RLBP1: variants seen among roughly 807,000 people sequenced by gnomAD.
RLBP1 encodes the protein retinaldehyde binding protein 1.
A neutral mutation model predicts 36.2 loss-of-function variants in RLBP1; 26 were observed. The observed-to-expected ratio is 0.72, with a 90% confidence interval of 0.53 to 1.00. RLBP1 has a LOEUF of 1.00. Ranked by LOEUF, RLBP1 falls within the 50% of genes least tolerant of loss-of-function variation. The pLI, the probability that RLBP1 is intolerant of heterozygous loss-of-function variation, is 0.00. For missense variants in RLBP1, 410 were observed against 402.4 expected (o/e 1.02, Z -0.16); for synonymous variants, 155 against 156.2 (o/e 0.99, Z 0.06).
At chr15:89,219,669 G>A (rs1375881463) in intron 2 of RLBP1, 68 bp downstream of exon 2, 3 of 153,734 alleles carry the variant, frequency 2.0e-5, no homozygotes, top group Non-Finnish European at 2.9e-5. Flanking sequence ...AGGAGGAAAC[G>A]GGAGGAGGAA....
Position 89,215,076 on chromosome 15 carries a change from TCTTGA to T in RLBP1, c.504_508del (p.Ser168ArgfsTer5), listed in dbSNP as rs1379405913. 1 of 1,614,216 alleles carries T rather than the reference TCTTGA, an allele frequency of 6.2e-7. No homozygotes were observed. ...CCCACTAACCTCATCAAAGGTGATT[TCTTGA>T]CTTTGCCAGTTCTCAATGTTGAAGA... On this transcript the variant is annotated frameshift_variant, in exon 6 of 9. Coordinates refer to ENST00000268125, the MANE Select transcript of RLBP1 (RefSeq NM_000326.5). LOFTEE classifies it high-confidence loss of function.
intron 2 of RLBP1, chr15:89,219,485 C>T (rs2051609610): frequency 5.4e-6 from 1 of 185,120 alleles, no homozygotes; most frequent in African/African-American, 2.3e-5. Flanking sequence ...AGAAACTTCG[C>T]AGCCTAGTGG....
In RLBP1 at chr15:89,211,195, C is replaced by A. The variant is rs910597150; in HGVS notation, c.685-386G>T. Among the ~76,000 whole-genome samples the A allele has an allele frequency of 5.3e-5, 8 of 152,158 alleles. No homozygotes were observed. Among genetic ancestry groups the A allele is most frequent in the African/African-American group, 1.9e-4 (8 of 41,424 alleles). Reference sequence around the variant, plus strand: ...AACAGTATTATCATCCCTCATTGTCCATCAGCCCCTCCCACAACCTCCACC... The same window carrying A: ...AACAGTATTATCATCCCTCATTGTCAATCAGCCCCTCCCACAACCTCCACC... On this transcript the variant is annotated intron_variant, in intron 7 of 8. Transcript: ENST00000268125. The surrounding 1 kb of genome is among the most constrained non-coding windows in gnomAD (Gnocchi z 5.8).
intron 5 of RLBP1, among the ~76,000 whole-genome samples, chr15:89,215,622 G>C (rs115821018): frequency 1.0e-3 from 158 of 152,284 alleles, no homozygotes; most frequent in African/African-American, 3.5e-3. Context: ...GAGTGGTGAG[G>C]TGTGCACAGG....
chr15:89,212,534 GAGATCACGCCACTGCTCTCC>G (rs2051546584), intron 6 of RLBP1, among the ~76,000 whole-genome samples: 1 of 147,742 alleles, frequency 6.8e-6, no homozygotes, highest in African/African-American at 2.5e-5. Context: ...GCAGTGAGCC[GAGATCACGCCACTGCTCTCC>G]AACCTAGGCG....
Position 89,211,762 on chromosome 15 carries a change from T to G in RLBP1, c.665A>C (p.Lys222Thr), listed in dbSNP as rs1424413976. ...AASLRTSDLRKMVDMLQDSFP... is the reference protein window; with the variant it reads ...AASLRTSDLRTMVDMLQDSFP... ...CCTCACCTGGAGCATGTCCACCATC[T>G]TCCTGAGATCTGAAGTCCGGAGACT... Residue 222 changes from lysine (K) to threonine (T), a missense_variant, in exon 7 of 9, where the codon AAG (lysine) becomes ACG (threonine). Lys to Thr is a moderately conservative substitution (Grantham distance 78). Coordinates refer to ENST00000268125, the MANE Select transcript of RLBP1 (RefSeq NM_000326.5). The surrounding 1 kb of genome is among the most constrained non-coding windows in gnomAD (Gnocchi z 5.8). 5 of 1,613,900 alleles carry G rather than the reference T, an allele frequency of 3.1e-6. No homozygotes were observed. The highest frequency in any genetic ancestry group is 1.7e-5 in the Admixed American group (1 of 60,010).
At position 89,217,120 on chromosome 15, in the gene RLBP1, C is replaced by G. The variant is rs762326108; in HGVS notation, c.346G>C (p.Gly116Arg). Residue 116 changes from glycine (G) to arginine (R), a missense_variant and splice_region_variant, in exon 5 of 9, where the codon GGC becomes CGC. Coordinates refer to ENST00000268125, the MANE Select transcript of RLBP1 (RefSeq NM_000326.5). ...CCGTCCCTCCAAGCACTGGCCTCAC[C>G]TCTGAGCAGCTCATAGGCACGGCCC... ...NVGRAYELLRGYVNFRLQYPE... is the reference protein window; with the variant it reads ...NVGRAYELLRRYVNFRLQYPE... 7.4e-6 allele frequency: 12 copies of G among 1,613,980 alleles called. No homozygotes were observed. The highest frequency in any genetic ancestry group is 3.3e-5 in the South Asian group (3 of 91,076).
In RLBP1 at chr15:89,218,614, C is replaced by T; in HGVS notation, c.92G>A (p.Gly31Glu). The T allele has an allele frequency of 6.2e-7, 1 of 1,614,198 alleles. No individual in the cohort carries two copies. Among genetic ancestry groups the T allele is most frequent in the Non-Finnish European group, 8.5e-7 (1 of 1,180,036 alleles). ...CTGGCTGCACGGGCCAAAGACAGGT[C>T]CATGGTCCTTGGTTGTGAGCTGCTC... ...QLEQLTTKDH[G>E]PVFGPCSQLP... Residue 31 changes from glycine to glutamate, a missense_variant, in exon 4 of 9, where the codon GGA becomes GAA. Gly to Glu is a moderately conservative substitution (Grantham distance 98, BLOSUM62 -2). Coordinates refer to ENST00000268125, the MANE Select transcript of RLBP1 (RefSeq NM_000326.5). The surrounding 1 kb of genome is among the most constrained non-coding windows in gnomAD (Gnocchi z 4.6).
At position 89,211,458 on chromosome 15, in the gene RLBP1, G is replaced by A. The variant is rs140314557; in HGVS notation, c.684+285C>T. Among the ~76,000 whole-genome samples, 134 of 152,286 alleles carry A rather than the reference G, an allele frequency of 8.8e-4. 4 individuals carry two copies. The East Asian group carries it at 0.014, about 16-fold the overall frequency. Reference sequence around the variant, plus strand: ...TGCCGCTTTATTGCTGTGTGACCTCGAGATGTCTCTTAAATCTCTGAGCCT... The same window carrying A: ...TGCCGCTTTATTGCTGTGTGACCTCAAGATGTCTCTTAAATCTCTGAGCCT... On this transcript the variant is annotated intron_variant, in intron 7 of 8. Coordinates refer to ENST00000268125, the MANE Select transcript of RLBP1 (RefSeq NM_000326.5). The surrounding 1 kb of genome is among the most constrained non-coding windows in gnomAD (Gnocchi z 5.8).
intron 6 of RLBP1, among the ~76,000 whole-genome samples, chr15:89,213,928 C>T (rs1468051889): frequency 6.6e-6 from 1 of 152,122 alleles, no homozygotes; most frequent in Non-Finnish European, 1.5e-5. Flanking sequence ...CCCCAAAAAG[C>T]AGATCACTAA....
At position 89,217,307 on chromosome 15, in the gene RLBP1, G is replaced by C. The variant is rs1173055601; in HGVS notation, c.159C>G (p.Asn53Lys). Reference sequence around the variant, plus strand: ...CCTCCTCCCGGGTCTCCTCTCTCTCGTTCAGCTCATCCTTGGCCTAGAACA... The same window carrying C: ...CCTCCTCCCGGGTCTCCTCTCTCTCCTTCAGCTCATCCTTGGCCTAGAACA... ...HTLQKAKDEL[N>K]EREETREEAV... Residue 53 changes from asparagine to lysine, a missense_variant, in exon 5 of 9, where the codon AAC becomes AAG. By Grantham distance (94) the Asn-to-Lys change is moderately conservative. Coordinates refer to ENST00000268125, the MANE Select transcript of RLBP1 (RefSeq NM_000326.5). 1.2e-6 allele frequency: 2 copies of C among 1,606,360 alleles called. No individual in the cohort carries two copies. Among genetic ancestry groups the C allele is most frequent in the South Asian group, 1.1e-5 (1 of 91,084 alleles).
In RLBP1 at chr15:89,211,998, G is replaced by T; in HGVS notation, c.526-97C>A. The T allele has an allele frequency of 1.6e-6, 2 of 1,281,210 alleles. No homozygotes were observed. The highest frequency in any genetic ancestry group is 2.4e-5 in the East Asian group (1 of 41,660). The allele number at this position is 1,281,210 out of a possible 1,614,324, so 79.4% of individuals were successfully genotyped here. ...GAGCTAATTGGTACATTCTTCACTG[G>T]GGTAATTTGCTGCAGGCTTTGATCT... On this transcript the variant is annotated intron_variant, in intron 6 of 8. Coordinates refer to ENST00000268125, the MANE Select transcript of RLBP1 (RefSeq NM_000326.5). This position sits in a 1 kb window ranked among gnomAD's most constrained non-coding sequence, Gnocchi z 5.8.
Position 89,214,495 on chromosome 15 carries a change from G to A in RLBP1, c.525+565C>T, listed in dbSNP as rs1368709120. On this transcript the variant is annotated intron_variant, in intron 6 of 8. Coordinates refer to ENST00000268125, the MANE Select transcript of RLBP1 (RefSeq NM_000326.5). This position sits in a 1 kb window ranked among gnomAD's most constrained non-coding sequence, Gnocchi z 4.6. Reference sequence around the variant, plus strand: ...ATAAATAAAATAAAATAAGTTTGTAGCAGTTTTTTTTTTAAATTAAAGGAA... The same window carrying A: ...ATAAATAAAATAAAATAAGTTTGTAACAGTTTTTTTTTTAAATTAAAGGAA... Among the ~76,000 whole-genome samples the A allele has an allele frequency of 7.7e-6, 1 of 130,020 alleles. No individual in the cohort carries two copies. Among genetic ancestry groups the A allele is most frequent in the Non-Finnish European group, 1.7e-5 (1 of 59,224 alleles). The allele number at this position is 130,020 out of a possible 152,430, so 85.3% of individuals were successfully genotyped here. A position where few individuals can be genotyped will look rare whatever the true frequency, so the allele number is the denominator to read the frequency against.
rs143319904 is a variant in RLBP1 at position 89,218,686 on chromosome 15, G to T, written c.20C>A (p.Thr7Lys). ...TTCCTCTTCAGGTACCATGCGGAAC[G>T]TGCCCACCTGGGCAGAGAAAGGAAA... is the stretch of plus-strand genomic sequence containing the variant. MSEGVG[T>K]FRMVPEEEQE... Residue 7 changes from threonine (T) to lysine (K), a missense_variant, in exon 4 of 9, where the codon ACG becomes AAG. Physicochemically the swap from Thr to Lys is moderately conservative, Grantham distance 78. Transcript: ENST00000268125. This position sits in a 1 kb window ranked among gnomAD's most constrained non-coding sequence, Gnocchi z 4.6. The T allele has an allele frequency of 6.2e-7, 1 of 1,614,138 alleles. No homozygotes were observed.
chr15:89,216,287 A>G (rs2051578786), intron 5 of RLBP1, among the ~76,000 whole-genome samples: 3 of 151,820 alleles, frequency 2.0e-5, no homozygotes, highest in South Asian at 2.1e-4. Context: ...AGTGCCCAAG[A>G]TTCGATTTCT....
chr15:89,219,326 C>T (rs1477074484), intron 2 of RLBP1, among the ~76,000 whole-genome samples: 3 of 152,168 alleles, frequency 2.0e-5, no homozygotes, highest in Non-Finnish European at 4.4e-5. Context: ...GGCACAGACA[C>T]AAATAGCTCA....
chr15:89,210,191 G>A lies in RLBP1; in HGVS notation c.*94C>T, dbSNP rs1221458743. 6.8e-7 allele frequency: 1 copy of A among 1,462,924 alleles called. No individual in the cohort carries two copies. 90.6% of individuals were successfully genotyped at this position (1,462,924 alleles called of 1,614,324 possible). ...TTAGGGAGTCTAAGGGGGGACCACA[G>A]TCATCTCAAGCAGCCCTTTCCTAGC... On this transcript the variant is annotated 3_prime_UTR_variant, in exon 9 of 9. Transcript: ENST00000268125. This position sits in a 1 kb window ranked among gnomAD's most constrained non-coding sequence, Gnocchi z 4.7.
intron 6 of RLBP1, among the ~76,000 whole-genome samples, chr15:89,212,287 A>G (rs1320021388): frequency 6.6e-6 from 1 of 152,246 alleles, no homozygotes; most frequent in Non-Finnish European, 1.5e-5. Flanking sequence ...CATTATTGTA[A>G]GAAAAATGTG....
chr15:89,218,506 C>A lies in RLBP1; in HGVS notation c.141+59G>T. On this transcript the variant is annotated intron_variant, in intron 4 of 8. Transcript: ENST00000268125. The surrounding 1 kb of genome is among the most constrained non-coding windows in gnomAD (Gnocchi z 4.6). ...CTTTTCACAGGAGAGAGAATGCAGT[C>A]ATGTTCCCCTCATGTTGCCTCCCTA... The A allele has an allele frequency of 1.2e-6, 2 of 1,611,670 alleles. No homozygotes were observed. The highest frequency in any genetic ancestry group is 2.2e-5 in the South Asian group (2 of 90,790).
Sources: allele counts gnomAD v4.1 joint callset (sites outside exome capture counted in the v4.1 genomes callset), GRCh38; gene constraint gnomAD v4.1.1; non-coding constraint Gnocchi (gnomAD v3.1); transcripts MANE v1.5; gene names NCBI Gene and HGNC (gene_info 2026-07-23, HGNC 2026-07-21).